SEMA5B: variants seen among roughly 807,000 people sequenced by gnomAD.
SEMA5B encodes semaphorin-5B.
Under a neutral mutation model 135.0 loss-of-function variants are expected in SEMA5B, and 66 were observed. The observed-to-expected ratio is 0.49, with a 90% CI of 0.40 to 0.60. The LOEUF (loss-of-function observed/expected upper bound fraction) is 0.60, where lower values mean the gene tolerates loss of function less well. SEMA5B is among the 20% of genes least tolerant of loss of function. The pLI is 0.00. For missense variants in SEMA5B, 1,501 were observed against 1,566.3 expected, an observed-to-expected ratio of 0.96 and a Z score of 0.70; for synonymous variants, 690 against 639.5, an observed-to-expected ratio of 1.08 and a Z score of -1.19.
At chr3:123,015,257 C>T (rs1020056828) in intron 1 of SEMA5B, among the ~76,000 whole-genome samples, 2 of 152,152 alleles carry the variant, frequency 1.3e-5, no homozygotes, top group African/African-American at 4.8e-5. Flanking sequence ...AAAACTAATA[C>T]AAACACAAAG....
At chr3:122,988,727 C>T (rs552971730) in intron 1 of SEMA5B, among the ~76,000 whole-genome samples, 10 of 152,226 alleles carry the variant, frequency 6.6e-5, no homozygotes, top group Non-Finnish European at 4.4e-5. Context: ...GAAAGCTCTG[C>T]TGGGAGAATG....
At chr3:123,001,751 A>G (rs1206709098) in intron 1 of SEMA5B, among the ~76,000 whole-genome samples, 1 of 152,196 alleles carries the variant, frequency 6.6e-6, no homozygotes. Flanking sequence ...CAAGGTACTT[A>G]GTGGCAGGAG....
intron 21 of SEMA5B, 172 bp downstream of exon 21, chr3:122,911,318 TG>T (rs772613731): frequency 1.3e-4 from 196 of 1,501,236 alleles, no homozygotes; most frequent in Non-Finnish European, 1.5e-4. Flanking sequence ...GCCTCCTAGC[TG>T]GGGGGGGCAT....
chr3:122,926,294 C>T (rs1938626868), intron 9 of SEMA5B, 98 bp downstream of exon 9: 3 of 1,187,312 alleles, frequency 2.5e-6, no homozygotes, highest in Non-Finnish European at 2.4e-6. Context: ...CGGCAGGAGG[C>T]ACGGCAGTCC....
At chr3:122,923,493 G>A in intron 10 of SEMA5B, 124 bp downstream of exon 10, 3 of 1,061,120 alleles carry the variant, frequency 2.8e-6, no homozygotes, top group Non-Finnish European at 4.2e-6. Context: ...CCCAGAGATG[G>A]GCATGGACTG....
intron 9 of SEMA5B, among the ~76,000 whole-genome samples, chr3:122,924,973 C>T (rs1027565001): frequency 6.6e-6 from 1 of 152,144 alleles, no homozygotes; most frequent in Non-Finnish European, 1.5e-5. Context: ...TTTGTGACGC[C>T]GCACCCCTAC....
At position 122,970,735 on chromosome 3, in the gene SEMA5B, T is replaced by C. The variant is rs551818848; in HGVS notation, c.-38-9434A>G. Among the ~76,000 whole-genome samples the C allele has an allele frequency of 1.9e-3, 290 of 152,334 alleles. 2 individuals carry two copies. Among genetic ancestry groups the C allele is most frequent in the Non-Finnish European group, 1.0e-3 (68 of 68,026 alleles). On this transcript the variant is annotated intron_variant, in intron 1 of 22. Coordinates refer to ENST00000357599, the MANE Select transcript of SEMA5B (RefSeq NM_001031702.4). ...TGCCCCTACTTTACTGCTGAGGATCTAAGGCACAGAGATGTTCATGACTTG... is the reference window on the plus strand; with the variant it reads ...TGCCCCTACTTTACTGCTGAGGATCCAAGGCACAGAGATGTTCATGACTTG...
At position 122,961,182 on chromosome 3, in the gene SEMA5B, A is replaced by C; in HGVS notation, c.82T>G (p.Cys28Gly). The C allele has an allele frequency of 6.2e-7, 1 of 1,613,624 alleles. No homozygotes were observed. Among genetic ancestry groups the C allele is most frequent in the Non-Finnish European group, 8.5e-7 (1 of 1,179,752 alleles). ...PPDTPAQQLRCGWTVGGWLLS... is the reference protein window; with the variant it reads ...PPDTPAQQLRGGWTVGGWLLS... ...AGCCAGCCCCCTACTGTCCATCCAC[A>C]CCTTAGCTGTTGGGCTGGGGTATCA... Residue 28 changes from cysteine to glycine, a missense_variant, in exon 2 of 23, where the codon TGT (cysteine) becomes GGT (glycine). Transcript: ENST00000357599.
At position 122,913,235 on chromosome 3, in the gene SEMA5B, A is replaced by T; in HGVS notation, c.2470T>A (p.Cys824Ser). 6.3e-7 allele frequency: 1 copy of T among 1,584,074 alleles called. No homozygotes were observed. Among genetic ancestry groups the T allele is most frequent in the Non-Finnish European group, 8.5e-7 (1 of 1,174,146 alleles). The change falls in exon 17 of 23, where the codon TGT (cysteine) becomes AGT (serine). Residue 824 changes from cysteine to serine, a missense_variant. Around this residue, in one of 2 missense-constraint regions of SEMA5B, gnomAD observed 927 missense variants for 881.6 expected, o/e 1.05. Transcript: ENST00000357599. ...FGRRRTETRT[C>S]PADGSGSCDT... ...CAGGAGCCGGAGCCGTCCGCGGGACAGGTCCTCGTCTCGGTCCTTCTCCTG... is the reference window on the plus strand; with the variant it reads ...CAGGAGCCGGAGCCGTCCGCGGGACTGGTCCTCGTCTCGGTCCTTCTCCTG...
intron 1 of SEMA5B, among the ~76,000 whole-genome samples, chr3:122,981,857 G>T (rs1208126757): frequency 1.3e-5 from 2 of 152,212 alleles, no homozygotes; most frequent in African/African-American, 4.8e-5. Flanking sequence ...AGGCAACCAG[G>T]ATCTGGTGTG....
chr3:122,952,109 G>A (rs533359232), intron 2 of SEMA5B, among the ~76,000 whole-genome samples: 1 of 152,218 alleles, frequency 6.6e-6, no homozygotes, highest in African/African-American at 2.4e-5. Flanking sequence ...GCTCAAACTC[G>A]TTCATACTTT....
chr3:122,981,346 G>A (rs1011939939), intron 1 of SEMA5B, among the ~76,000 whole-genome samples: 1 of 152,240 alleles, frequency 6.6e-6, no homozygotes, highest in Non-Finnish European at 1.5e-5. Context: ...ACTTTGGGAG[G>A]ACTTCCGTCC....
intron 2 of SEMA5B, among the ~76,000 whole-genome samples, chr3:122,949,972 T>C (rs1210694815): frequency 6.6e-6 from 1 of 152,236 alleles, no homozygotes; most frequent in African/African-American, 2.4e-5. Flanking sequence ...TCCTTCTGCT[T>C]AGCTGGCTTT....
Position 122,922,091 on chromosome 3 carries a change from C to G in SEMA5B, c.1512G>C (p.Thr504=), listed in dbSNP as rs1478462059. The change falls in exon 12 of 23, where the codon ACG becomes ACC. Residue 504 remains threonine (T), a synonymous_variant. Transcript: ENST00000357599. ...AGCAGCCGTGGAGGCTGCGGCTCGC[C>G]GTGGACAGCGCCTTCAGGATGGTGC... ...ESGTILKALS[T]ASRSLHGCYL... 6.7e-7 allele frequency: 1 copy of G among 1,494,314 alleles called. No homozygotes were observed. 92.6% of individuals were successfully genotyped at this position (1,494,314 alleles called of 1,614,324 possible).
chr3:123,007,370 C>G (rs1018537233), intron 1 of SEMA5B, among the ~76,000 whole-genome samples: 3 of 152,198 alleles, frequency 2.0e-5, no homozygotes. Flanking sequence ...GCCACCTCCA[C>G]CCTCACTTGA....
intron 1 of SEMA5B, among the ~76,000 whole-genome samples, chr3:122,964,931 A>C (rs992739519): frequency 6.6e-6 from 1 of 152,152 alleles, no homozygotes; most frequent in African/African-American, 2.4e-5. Flanking sequence ...GAGGGGCTCC[A>C]CAGTGGGTGA....
In SEMA5B at chr3:122,912,823, T is replaced by C; in HGVS notation, c.2725+20A>G. The C allele has an allele frequency of 1.3e-6, 2 of 1,532,098 alleles. No homozygotes were observed. The highest frequency in any genetic ancestry group is 1.8e-6 in the Non-Finnish European group (2 of 1,137,372). The allele number at this position is 1,532,098 out of a possible 1,614,324, so 94.9% of individuals were successfully genotyped here. A position where few individuals can be genotyped will look rare whatever the true frequency, so the allele number is the denominator to read the frequency against. On this transcript the variant is annotated intron_variant, in intron 18 of 22. Coordinates refer to ENST00000357599, the MANE Select transcript of SEMA5B (RefSeq NM_001031702.4). ...TGACAGGGTTTCGCTAGGCCAAGGATTCCTTCCGTGCAGGGTTACCTGGGC... is the reference window on the plus strand; with the variant it reads ...TGACAGGGTTTCGCTAGGCCAAGGACTCCTTCCGTGCAGGGTTACCTGGGC...
At position 122,927,861 on chromosome 3, in the gene SEMA5B, G is replaced by A. The variant is rs2107655059; in HGVS notation, c.779C>T (p.Pro260Leu). 6.3e-7 allele frequency: 1 copy of A among 1,589,164 alleles called. No homozygotes were observed. The highest frequency in any genetic ancestry group is 8.6e-7 in the Non-Finnish European group (1 of 1,166,946). ...ACTGCCCAGGCTGCGGTAGATGGCAGGGTCCCGACCTGAGAAGTCGATGAC... is the reference window on the plus strand; with the variant it reads ...ACTGCCCAGGCTGCGGTAGATGGCAAGGTCCCGACCTGAGAAGTCGATGAC... ...ATVIDFSGRD[P>L]AIYRSLGSGP... The change falls in exon 8 of 23, where the codon CCT becomes CTT. Residue 260 changes from proline to leucine, a missense_variant. Physicochemically the swap from Pro to Leu is moderately conservative, Grantham distance 98. Around this residue, in one of 2 missense-constraint regions of SEMA5B, gnomAD observed 574 missense variants for 684.7 expected, o/e 0.84. Coordinates refer to ENST00000357599, the MANE Select transcript of SEMA5B (RefSeq NM_001031702.4).
chr3:123,011,932 G>A (rs541228833), intron 1 of SEMA5B, among the ~76,000 whole-genome samples: 10 of 152,240 alleles, frequency 6.6e-5, no homozygotes, highest in South Asian at 2.1e-4. Flanking sequence ...CTGCCTCCTC[G>A]AATTGCTTGA....
Sources: gnomAD v4.1 joint callset for allele counts (sites outside exome capture counted in the v4.1 genomes callset) on GRCh38, gnomAD v4.1.1 for gene constraint, gnomAD v4.1.1 regional missense constraint, MANE v1.5 for transcripts, NCBI Gene and HGNC (gene_info 2026-07-23, HGNC 2026-07-21) for gene names.